The following LRRC3B variants were observed in gnomAD, a reference collection of about 807,000 sequenced individuals.
LRRC3B encodes the protein leucine rich repeat containing 3B, also known as leucine-rich repeat-containing protein 3B.
Under a neutral mutation model 12.8 loss-of-function variants are expected in LRRC3B, and 2 were observed. The observed-to-expected ratio is 0.16, with a 90% confidence interval of 0.06 to 0.49. The LOEUF is 0.49. Ranked by LOEUF, LRRC3B falls within the 20% of genes least tolerant of loss-of-function variation. The pLI is 0.96. For synonymous variants in LRRC3B, 132 were observed against 122.0 expected, an observed-to-expected ratio of 1.08 and a Z score of -0.54; for missense variants, 189 against 319.4, an observed-to-expected ratio of 0.59 and a Z score of 3.11.
rs183209758 is a variant in LRRC3B at position 26,641,728 on chromosome 3, G to A, written c.-161+18491G>A. ...CTGTATATCAATGGATTAAAATGGC[G>A]GAGTAACTTGATAAAATAGATTTTC... On this transcript the variant is annotated intron_variant, in intron 1 of 1. Coordinates refer to ENST00000396641, the Ensembl canonical transcript of LRRC3B. Among the ~76,000 whole-genome samples, 11 of 151,784 alleles carry A rather than the reference G, an allele frequency of 7.2e-5. 1 individual carries two copies. Among genetic ancestry groups the A allele is most frequent in the East Asian group, 5.8e-4 (3 of 5,140 alleles).
intron 1 of LRRC3B, among the ~76,000 whole-genome samples, chr3:26,628,924 GTTATGAAAT>G (rs1485148184): frequency 6.6e-6 from 1 of 151,352 alleles, no homozygotes; most frequent in Non-Finnish European, 1.5e-5. Context: ...ATTAGGAAAG[GTTATGAAAT>G]TTACAGTTTC....
At position 26,677,714 on chromosome 3, in the gene LRRC3B, C is replaced by T. The variant is rs1575153208; in HGVS notation, c.-160-31799C>T. On this transcript the variant is annotated intron_variant, in intron 1 of 1. Coordinates refer to ENST00000396641, the Ensembl canonical transcript of LRRC3B. ...TTTCAACCAAAGAAACACATGTATA[C>T]ATATAACACATTCTTATTGTCAGTC... Among the ~76,000 whole-genome samples the T allele has an allele frequency of 2.0e-5, 3 of 152,180 alleles. No individual in the cohort carries two copies. The South Asian group carries it at 6.2e-4, about 32-fold the overall frequency.
chr3:26,624,539 G>A (rs1698578572), intron 1 of LRRC3B: 1 of 152,870 alleles, frequency 6.5e-6, no homozygotes, highest in Non-Finnish European at 1.5e-5. Flanking sequence ...GAGCGCAGGA[G>A]CGGAGGCTGC....
At chr3:26,691,123 A>AT (rs1700185466) in intron 1 of LRRC3B, among the ~76,000 whole-genome samples, 1 of 141,672 alleles carries the variant, frequency 7.1e-6, no homozygotes, top group African/African-American at 2.6e-5. Flanking sequence ...ATATATATAT[A>AT]TATATATATA....
chr3:26,623,891 G>C (rs1698562650), intron 1 of LRRC3B: 1 of 152,702 alleles, frequency 6.5e-6, no homozygotes, highest in African/African-American at 2.4e-5. Flanking sequence ...GCTCAGGGAG[G>C]GAAAGGCTGC....
chr3:26,700,275 C>A (rs559796540), intron 1 of LRRC3B, among the ~76,000 whole-genome samples: 1 of 152,158 alleles, frequency 6.6e-6, no homozygotes, highest in African/African-American at 2.4e-5. Context: ...CCAAATTTGG[C>A]AGGAAGAGGT....
intron 1 of LRRC3B, among the ~76,000 whole-genome samples, chr3:26,662,536 T>C (rs1699513807): frequency 6.6e-6 from 1 of 152,104 alleles, no homozygotes; most frequent in Non-Finnish European, 1.5e-5. Flanking sequence ...TCCATTCTGA[T>C]TGGTTGCTGT....
At chr3:26,630,497 G>A (rs1042441261) in intron 1 of LRRC3B, among the ~76,000 whole-genome samples, 1 of 152,138 alleles carries the variant, frequency 6.6e-6, no homozygotes, top group Non-Finnish European at 1.5e-5. Context: ...TCTATAACAA[G>A]ATCTTGTAGT....
chr3:26,654,545 A>G (rs1575131017), intron 1 of LRRC3B, among the ~76,000 whole-genome samples: 2 of 152,346 alleles, frequency 1.3e-5, no homozygotes, highest in African/African-American at 4.8e-5. Context: ...CAGAGAAAAG[A>G]GAAATCAGAA....
intron 1 of LRRC3B, among the ~76,000 whole-genome samples, chr3:26,685,507 C>CTG (rs1700060138): frequency 1.2e-4 from 6 of 50,040 alleles, no homozygotes; most frequent in African/African-American, 4.0e-4. Context: ...CTCTCTCTCT[C>CTG]TCTCTCTCTC....
At chr3:26,680,015 C>A (rs1699937715) in intron 1 of LRRC3B, among the ~76,000 whole-genome samples, 1 of 152,170 alleles carries the variant, frequency 6.6e-6, no homozygotes, top group Non-Finnish European at 1.5e-5. Context: ...GCAGAGGAGG[C>A]CTAAGCAAAG....
At chr3:26,646,487 C>G (rs2125411649) in intron 1 of LRRC3B, among the ~76,000 whole-genome samples, 1 of 151,846 alleles carries the variant, frequency 6.6e-6, no homozygotes, top group Non-Finnish European at 1.5e-5. Flanking sequence ...TTGCAGTCAC[C>G]TTTTCAGTTT....
chr3:26,683,634 A>C (rs1700015847), intron 1 of LRRC3B, among the ~76,000 whole-genome samples: 1 of 152,176 alleles, frequency 6.6e-6, no homozygotes. Context: ...ATACATGCAT[A>C]AGGTTGCACC....
intron 1 of LRRC3B, among the ~76,000 whole-genome samples, chr3:26,689,181 G>A (rs951461162): frequency 6.6e-6 from 1 of 152,196 alleles, no homozygotes; most frequent in Non-Finnish European, 1.5e-5. Context: ...TTTCTTCTAA[G>A]TTGGAGACAA....
chr3:26,696,232 G>A (rs1039516732), intron 1 of LRRC3B, among the ~76,000 whole-genome samples: 1 of 152,174 alleles, frequency 6.6e-6, no homozygotes, highest in Non-Finnish European at 1.5e-5. Flanking sequence ...ATGCTAACAT[G>A]GCAATTGTAA....
At chr3:26,672,281 G>C (rs1170920445) in intron 1 of LRRC3B, among the ~76,000 whole-genome samples, 3 of 152,116 alleles carry the variant, frequency 2.0e-5, no homozygotes, top group African/African-American at 7.2e-5. Flanking sequence ...ACAGGAGAAG[G>C]GTAGTGATTA....
chr3:26,702,298 T>C (rs1700473959), intron 1 of LRRC3B, among the ~76,000 whole-genome samples: 1 of 152,234 alleles, frequency 6.6e-6, no homozygotes, highest in African/African-American at 2.4e-5. Flanking sequence ...GATTATTCTC[T>C]TTTTAAATGA....
At chr3:26,637,419 T>C (rs1324605101) in intron 1 of LRRC3B, among the ~76,000 whole-genome samples, 3 of 152,144 alleles carry the variant, frequency 2.0e-5, no homozygotes, top group East Asian at 1.9e-4. Context: ...TCAGGTGAAA[T>C]TGTGTGCCAT....
At chr3:26,625,291 G>C (rs1357136336) in intron 1 of LRRC3B, 1 of 152,280 alleles carries the variant, frequency 6.6e-6, no homozygotes, top group Non-Finnish European at 1.5e-5. Flanking sequence ...ACTCGCCAGG[G>C]CTCCCGGGAG....
Sources: gnomAD v4.1 joint callset for allele counts (sites outside exome capture counted in the v4.1 genomes callset) on GRCh38, gnomAD v4.1.1 for gene constraint, MANE v1.5 for transcripts, NCBI Gene and HGNC (gene_info 2026-07-23, HGNC 2026-07-21) for gene names.